Variants in DLC1 observed in about 807,000 individuals in gnomAD.
DLC1 encodes rho GTPase-activating protein 7.
A neutral mutation model predicts 140.3 loss-of-function variants in DLC1; 54 were observed. That is an observed-to-expected ratio of 0.38 (90% CI 0.31 to 0.48). The LOEUF is 0.48. DLC1 is among the 20% of genes least tolerant of loss of function. DLC1 has a pLI of 0.96. For synonymous variants in DLC1, 986 were observed against 728.1 expected (o/e 1.35, Z -5.70); for missense variants, 2,536 against 1,907.0 (o/e 1.33, Z -6.14).
chr8:13,428,389 C>T (rs1838697435), intron 2 of DLC1, among the ~76,000 whole-genome samples: 1 of 152,076 alleles, frequency 6.6e-6, no homozygotes, highest in Non-Finnish European at 1.5e-5. Flanking sequence ...ATAATCAAAT[C>T]AATTTTCAAA....
intron 2 of DLC1, among the ~76,000 whole-genome samples, chr8:13,436,093 A>G (rs1354935381): frequency 1.3e-5 from 2 of 152,252 alleles, no homozygotes; most frequent in Non-Finnish European, 2.9e-5. Flanking sequence ...TAGTGTAAAC[A>G]TAACTTTTAT....
intron 1 of DLC1, among the ~76,000 whole-genome samples, chr8:13,532,945 G>C (rs1803148495): frequency 6.6e-6 from 1 of 152,098 alleles, no homozygotes; most frequent in Admixed American, 6.6e-5. Flanking sequence ...GGAATACGTA[G>C]TTTAAATTTT....
intron 10 of DLC1, among the ~76,000 whole-genome samples, chr8:13,097,350 A>G (rs573815595): frequency 6.6e-6 from 1 of 152,066 alleles, no homozygotes; most frequent in African/African-American, 2.4e-5. Flanking sequence ...TGCAACCTCC[A>G]TCTTCTGGGT....
intron 1 of DLC1, among the ~76,000 whole-genome samples, chr8:13,501,242 T>C (rs1801799488): frequency 6.6e-6 from 1 of 152,070 alleles, no homozygotes; most frequent in Non-Finnish European, 1.5e-5. Flanking sequence ...AACAAGAAAA[T>C]CATGCATAAG....
At chr8:13,326,090 T>A (rs186140531) in intron 4 of DLC1, among the ~76,000 whole-genome samples, 11 of 152,346 alleles carry the variant, frequency 7.2e-5, no homozygotes, top group African/African-American at 2.2e-4. Context: ...CACTCTATGA[T>A]GTCTGCACAA....
At chr8:13,212,607 T>G (rs754017265) in intron 5 of DLC1, among the ~76,000 whole-genome samples, 1 of 152,136 alleles carries the variant, frequency 6.6e-6, no homozygotes, top group Non-Finnish European at 1.5e-5. Context: ...GATAGTTTAA[T>G]GTGAGAAAAT....
intron 2 of DLC1, among the ~76,000 whole-genome samples, chr8:13,412,154 A>G (rs1277236358): frequency 2.0e-5 from 3 of 152,224 alleles, no homozygotes; most frequent in Admixed American, 6.5e-5. Context: ...CAAAGCATAT[A>G]AAGAGTCTAT....
At position 13,241,464 on chromosome 8, in the gene DLC1, C is replaced by A. The variant is rs562395467; in HGVS notation, c.1348+63805G>T. On this transcript the variant is annotated intron_variant, in intron 5 of 17. Transcript: ENST00000276297. ...CCTCAGTTTCTGGTTTTCCATCCCC[C>A]TTATACCTTTTTTATGTGTTTGGTA... is the stretch of plus-strand genomic sequence containing the variant. Among the ~76,000 whole-genome samples, 77 of 152,226 alleles carry A rather than the reference C, an allele frequency of 5.1e-4. 1 individual carries two copies. The South Asian group carries it at 6.6e-3, about 13-fold the overall frequency.
At chr8:13,566,858 G>C in intron 1 of DLC1, 2 of 1,168,340 alleles carry the variant, frequency 1.7e-6, no homozygotes, top group Non-Finnish European at 2.3e-6. Flanking sequence ...AGCTGGGAAG[G>C]CGTCTCCCGG....
chr8:13,220,306 C>T (rs181070356), intron 5 of DLC1, among the ~76,000 whole-genome samples: 5 of 151,852 alleles, frequency 3.3e-5, no homozygotes, highest in Non-Finnish European at 5.9e-5. Context: ...AATTTGAATC[C>T]GAATTTGAAT....
chr8:13,405,637 A>C (rs975068407), intron 2 of DLC1, among the ~76,000 whole-genome samples: 2 of 152,084 alleles, frequency 1.3e-5, no homozygotes, highest in African/African-American at 2.4e-5. Context: ...AAACATTTTA[A>C]ATTTTATGCC....
chr8:13,272,207 C>G (rs538618952), intron 5 of DLC1, among the ~76,000 whole-genome samples: 2 of 151,820 alleles, frequency 1.3e-5, no homozygotes, highest in South Asian at 4.2e-4. Flanking sequence ...CGGCAATTTG[C>G]GAGGCCAAAG....
intron 2 of DLC1, among the ~76,000 whole-genome samples, chr8:13,448,608 C>G (rs887928238): frequency 4.6e-5 from 7 of 152,276 alleles, no homozygotes; most frequent in Admixed American, 4.6e-4. Context: ...GGTGATCCAC[C>G]TCAGCTTCCC....
At chr8:13,552,169 G>A (rs566647626) in intron 1 of DLC1, among the ~76,000 whole-genome samples, 1,027 of 97,770 alleles carry the variant, frequency 0.011, 10 homozygotes, top group Non-Finnish European at 0.017. Flanking sequence ...ATATATATCT[G>A]TCTAGAGGTG....
chr8:13,493,347 G>T (rs566748676), intron 2 of DLC1, among the ~76,000 whole-genome samples: 2 of 152,090 alleles, frequency 1.3e-5, no homozygotes, highest in South Asian at 4.2e-4. Context: ...TGCTACATTA[G>T]TCTGGAGGCT....
At position 13,086,473 on chromosome 8, in the gene DLC1, C is replaced by G. The variant is rs1298834586; in HGVS notation, c.4293-10G>C. 2 of 1,606,226 alleles carry G rather than the reference C, an allele frequency of 1.2e-6. No individual in the cohort carries two copies. The highest frequency in any genetic ancestry group is 1.7e-6 in the Non-Finnish European group (2 of 1,176,792). On this transcript the variant is annotated splice_polypyrimidine_tract_variant and intron_variant, in intron 16 of 17. Coordinates refer to ENST00000276297, the MANE Select transcript of DLC1 (RefSeq NM_182643.3). ...ATTAGTCCTCCAGGTTCTGTAGAGA[C>G]AAAACCAGAGGCAGAAATGATGGAA...
At chr8:13,154,846 TAGAAATAAGCGCTATTAAA>T (rs1386537849) in intron 5 of DLC1, among the ~76,000 whole-genome samples, 2 of 152,222 alleles carry the variant, frequency 1.3e-5, no homozygotes, top group African/African-American at 4.8e-5. Flanking sequence ...ATTTTTCACT[TAGAAATAAGCGCTATTAAA>T]ATTTTGATAG....
chr8:13,418,355 G>A lies in DLC1; in HGVS notation c.1024-16736C>T, dbSNP rs1370940381. On this transcript the variant is annotated intron_variant, in intron 2 of 17. Coordinates refer to ENST00000276297, the MANE Select transcript of DLC1 (RefSeq NM_182643.3). Reference sequence around the variant, plus strand: ...GGGTTTTCATCGTTTTAGGTCTAACGTTTCAGTCTTTAATCCATCTTGAAT... The same window carrying A: ...GGGTTTTCATCGTTTTAGGTCTAACATTTCAGTCTTTAATCCATCTTGAAT... 4.6e-5 allele frequency among the ~76,000 whole-genome samples: 7 copies of A among 152,184 alleles called. No individual in the cohort carries two copies. In the South Asian group the frequency reaches 6.2e-4, roughly 14 times the overall value.
chr8:13,451,130 A>C (rs955149244), intron 2 of DLC1, among the ~76,000 whole-genome samples: 15 of 151,600 alleles, frequency 9.9e-5, no homozygotes, highest in African/African-American at 3.4e-4. Context: ...AAATAAAGTA[A>C]GAGTAAATAT....
Sources: gnomAD v4.1 joint callset for allele counts (sites outside exome capture counted in the v4.1 genomes callset) on GRCh38, gnomAD v4.1.1 for gene constraint, MANE v1.5 for transcripts, NCBI Gene and HGNC (gene_info 2026-07-23, HGNC 2026-07-21) for gene names.